The following CACNA2D3 variants were observed in gnomAD, a reference collection of about 807,000 sequenced individuals.
CACNA2D3 encodes the protein calcium voltage-gated channel auxiliary subunit alpha2delta 3, also known as voltage-dependent calcium channel subunit alpha-2/delta-3.
CACNA2D3 carries 60 observed loss-of-function variants against 160.6 expected under a neutral mutation model. The ratio of observed to expected loss-of-function variants is 0.37; its 90% CI spans 0.30 to 0.46. The LOEUF (loss-of-function observed/expected upper bound fraction) is 0.46. CACNA2D3 is among the 20% of genes least tolerant of loss of function. CACNA2D3 has a pLI of 1.00. For missense variants in CACNA2D3, 1,205 were observed against 1,365.0 expected (o/e 0.88, Z 1.85); for synonymous variants, 558 against 492.9 (o/e 1.13, Z -1.75).
chr3:54,268,798 C>A (rs191098120), intron 2 of CACNA2D3, among the ~76,000 whole-genome samples: 14 of 152,300 alleles, frequency 9.2e-5, no homozygotes, highest in Admixed American at 3.3e-4. Flanking sequence ...AGAGCCGGGA[C>A]TTGAACTCAG....
intron 35 of CACNA2D3, among the ~76,000 whole-genome samples, chr3:55,027,723 A>G (rs1703595050): frequency 6.6e-6 from 1 of 152,198 alleles, no homozygotes; most frequent in South Asian, 2.1e-4. Flanking sequence ...GAGTTTGGTG[A>G]AAATTATAGT....
At chr3:54,266,003 T>C (rs1283652070) in intron 2 of CACNA2D3, among the ~76,000 whole-genome samples, 1 of 152,214 alleles carries the variant, frequency 6.6e-6, no homozygotes, top group Non-Finnish European at 1.5e-5. Flanking sequence ...AGGAAGCATT[T>C]GATGGATGAA....
At chr3:54,497,808 A>G (rs1013591995) in intron 4 of CACNA2D3, among the ~76,000 whole-genome samples, 3 of 151,952 alleles carry the variant, frequency 2.0e-5, no homozygotes, top group Non-Finnish European at 2.9e-5. Context: ...TTTATGATGA[A>G]CAAAAATTGA....
intron 35 of CACNA2D3, among the ~76,000 whole-genome samples, chr3:55,067,716 G>GATACATACATACATACATACATACATAC (rs59985203): frequency 7.9e-5 from 12 of 151,090 alleles, no homozygotes; most frequent in African/African-American, 2.9e-4. Flanking sequence ...CCATGCATTA[G>GATACATACATACATACATACATACATAC]ATACATACAT....
intron 5 of CACNA2D3, among the ~76,000 whole-genome samples, chr3:54,513,262 T>C (rs1177982394): frequency 1.3e-5 from 2 of 152,200 alleles, no homozygotes; most frequent in African/African-American, 4.8e-5. Flanking sequence ...TACACTCTTT[T>C]ACTCTTCCCA....
intron 13 of CACNA2D3, among the ~76,000 whole-genome samples, chr3:54,787,145 C>T (rs191127909): frequency 3.9e-5 from 6 of 152,218 alleles, no homozygotes; most frequent in East Asian, 3.9e-4. Flanking sequence ...ACTCATAACG[C>T]GTTTAAAGAC....
At chr3:54,307,525 C>G (rs1703640933) in intron 2 of CACNA2D3, among the ~76,000 whole-genome samples, 1 of 152,156 alleles carries the variant, frequency 6.6e-6, no homozygotes, top group Admixed American at 6.5e-5. Flanking sequence ...CACCTTTTCA[C>G]AGAGGAAGCT....
intron 10 of CACNA2D3, chr3:54,634,411 C>T (rs537960795): frequency 1.3e-5 from 2 of 152,342 alleles, no homozygotes; most frequent in South Asian, 4.1e-4. Context: ...CTTCTTTCCC[C>T]ACCCTTAACA....
chr3:54,432,894 G>C (rs914871011), intron 4 of CACNA2D3, among the ~76,000 whole-genome samples: 2 of 152,020 alleles, frequency 1.3e-5, no homozygotes, highest in African/African-American at 4.8e-5. Flanking sequence ...GAAGACCCAG[G>C]ATGACTGGGT....
At chr3:54,816,488 G>T (rs1010100165) in intron 13 of CACNA2D3, among the ~76,000 whole-genome samples, 3 of 152,146 alleles carry the variant, frequency 2.0e-5, no homozygotes, top group African/African-American at 7.2e-5. Flanking sequence ...CCCTCATCCA[G>T]TTGAAAACTG....
intron 3 of CACNA2D3, among the ~76,000 whole-genome samples, chr3:54,377,619 T>C (rs1237834115): frequency 6.6e-6 from 1 of 152,210 alleles, no homozygotes; most frequent in East Asian, 1.9e-4. Flanking sequence ...TTATTTGTGT[T>C]CATCAGATTA....
chr3:55,018,690 C>T (rs376632815), intron 35 of CACNA2D3, among the ~76,000 whole-genome samples: 2 of 151,972 alleles, frequency 1.3e-5, no homozygotes, highest in African/African-American at 4.8e-5. Flanking sequence ...TTTACCCAAA[C>T]CTGATAAATT....
chr3:54,475,984 A>G (rs1431162214), intron 4 of CACNA2D3, among the ~76,000 whole-genome samples: 1 of 149,206 alleles, frequency 6.7e-6, no homozygotes, highest in Admixed American at 6.7e-5. Context: ...TTTGACCAAC[A>G]TCTCCCCCTT....
intron 2 of CACNA2D3, among the ~76,000 whole-genome samples, chr3:54,316,191 A>T (rs1323834096): frequency 1.3e-5 from 2 of 152,066 alleles, no homozygotes; most frequent in African/African-American, 2.4e-5. Context: ...ACAGTTTGGG[A>T]TGGCTATGTG....
At chr3:54,149,626 G>C (rs1443465077) in intron 2 of CACNA2D3, among the ~76,000 whole-genome samples, 1 of 152,152 alleles carries the variant, frequency 6.6e-6, no homozygotes, top group Non-Finnish European at 1.5e-5. Flanking sequence ...GATGCCTGGA[G>C]CCCAGGGCAG....
At chr3:54,924,921 T>C in intron 27 of CACNA2D3, 1 of 1,613,142 alleles carries the variant, frequency 6.2e-7, no homozygotes, top group Non-Finnish European at 8.5e-7. Flanking sequence ...ATTTAAAACC[T>C]GCAAGTGCTG....
At chr3:54,313,059 A>G (rs1234618506) in intron 2 of CACNA2D3, among the ~76,000 whole-genome samples, 2 of 152,122 alleles carry the variant, frequency 1.3e-5, no homozygotes, top group Admixed American at 6.5e-5. Context: ...ATAAGGTAGC[A>G]CTAGGATTTG....
At chr3:54,492,855 T>G (rs192918598) in intron 4 of CACNA2D3, among the ~76,000 whole-genome samples, 212 of 152,294 alleles carry the variant, frequency 1.4e-3, no homozygotes, top group African/African-American at 4.0e-3. Flanking sequence ...CTACAGCTCG[T>G]TCTCTGGACA....
chr3:54,774,900 C>T (rs1702397182), intron 13 of CACNA2D3, among the ~76,000 whole-genome samples: 1 of 152,180 alleles, frequency 6.6e-6, no homozygotes, highest in South Asian at 2.1e-4. Flanking sequence ...TCCCAAAGTG[C>T]TGGGATTACA....
Sources: gnomAD v4.1 joint callset for allele counts (sites outside exome capture counted in the v4.1 genomes callset) on GRCh38, gnomAD v4.1.1 for gene constraint, MANE v1.5 for transcripts, NCBI Gene and HGNC (gene_info 2026-07-23, HGNC 2026-07-21) for gene names.